Variants in CATSPERE observed in about 807,000 individuals in gnomAD.
The protein encoded by CATSPERE is cation channel sperm-associated auxiliary subunit epsilon.
In CATSPERE, 93 loss-of-function variants were observed where a neutral mutation model predicts 114.1. That is an observed-to-expected ratio of 0.81 (90% CI 0.69 to 0.97). CATSPERE has a LOEUF of 0.97. Among genes scored for constraint, CATSPERE ranks in the 50% least tolerant of loss-of-function variants. CATSPERE has a pLI of 0.00. For missense variants in CATSPERE, 1,058 were observed against 1,131.6 expected (o/e 0.93, Z 0.93); for synonymous variants, 341 against 384.1 (o/e 0.89, Z 1.31).
At chr1:244,604,686 A>G (rs1343411700) in intron 17 of CATSPERE, among the ~76,000 whole-genome samples, 5 of 152,256 alleles carry the variant, frequency 3.3e-5, no homozygotes, top group African/African-American at 1.2e-4. Context: ...AATTTCATTC[A>G]GAAATATGGG....
chr1:244,495,474 G>A (rs1239344805), intron 6 of CATSPERE, among the ~76,000 whole-genome samples: 1 of 152,148 alleles, frequency 6.6e-6, no homozygotes, highest in Admixed American at 6.5e-5. Context: ...ACAAATCCCA[G>A]AACTTTGGGA....
In CATSPERE at chr1:244,518,624, A is replaced by G. The variant is rs1416719859; in HGVS notation, c.462A>G (p.Thr154=). Residue 154 remains threonine (T), a synonymous_variant, in exon 8 of 22, where the codon ACA becomes ACG. Coordinates refer to ENST00000366534, the MANE Select transcript of CATSPERE (RefSeq NM_001130957.2). The part of the protein sequence containing the change: ...NSIVLSTQMA[T]LGQKPVIHTV... ...TAGTACTCAGCACACAGATGGCCAC[A>G]TTGGGACAGAAGCCTGTCATACATA... is the stretch of plus-strand genomic sequence containing the variant. The G allele has an allele frequency of 1.9e-6, 3 of 1,601,222 alleles. No individual in the cohort carries two copies. The highest frequency in any genetic ancestry group is 4.5e-5 in the East Asian group (2 of 44,524).
intron 20 of CATSPERE, among the ~76,000 whole-genome samples, chr1:244,635,201 C>T (rs1674481403): frequency 6.6e-6 from 1 of 152,046 alleles, no homozygotes; most frequent in Non-Finnish European, 1.5e-5. Flanking sequence ...TTATTTCTGC[C>T]AATACTTATT....
At chr1:244,496,896 AG>A (rs1673182001) in intron 6 of CATSPERE, among the ~76,000 whole-genome samples, 1 of 152,226 alleles carries the variant, frequency 6.6e-6, no homozygotes, top group Admixed American at 6.5e-5. Context: ...TCAATACAAA[AG>A]CATAAGAATC....
intron 7 of CATSPERE, among the ~76,000 whole-genome samples, chr1:244,507,354 C>A (rs1266190685): frequency 6.6e-6 from 1 of 152,038 alleles, no homozygotes; most frequent in African/African-American, 2.4e-5. Context: ...AGGAGTTGTA[C>A]CGATTTACAT....
chr1:244,626,907 G>A (rs1488300861), intron 20 of CATSPERE, among the ~76,000 whole-genome samples: 2 of 152,212 alleles, frequency 1.3e-5, no homozygotes, highest in Non-Finnish European at 2.9e-5. Context: ...CACTAGAGTA[G>A]CACTTTTAAT....
intron 9 of CATSPERE, 151 bp downstream of exon 9, chr1:244,552,965 C>G (rs1572712236): frequency 6.4e-6 from 2 of 314,432 alleles, no homozygotes. Flanking sequence ...AACTCAACTT[C>G]TCAGAGACCT....
At chr1:244,528,785 C>CCACGCACGCGCACACACA (rs1553342506) in intron 8 of CATSPERE, among the ~76,000 whole-genome samples, 25 of 130,582 alleles carry the variant, frequency 1.9e-4, no homozygotes, top group African/African-American at 7.1e-4. Context: ...CAATCCCCCA[C>CCACGCACGCGCACACACA]CACACACACA....
chr1:244,555,097 A>G (rs539375753), intron 9 of CATSPERE, among the ~76,000 whole-genome samples: 31 of 152,266 alleles, frequency 2.0e-4, no homozygotes, highest in African/African-American at 6.7e-4. Context: ...ATAAAAATTC[A>G]ACAAACTGGC....
intron 5 of CATSPERE, among the ~76,000 whole-genome samples, chr1:244,479,993 A>G (rs1291754091): frequency 6.6e-6 from 1 of 152,264 alleles, no homozygotes; most frequent in Non-Finnish European, 1.5e-5. Flanking sequence ...TGCTGTGTCT[A>G]CATGTTTGTG....
At chr1:244,525,889 T>A (rs536955970) in intron 8 of CATSPERE, among the ~76,000 whole-genome samples, 83 of 148,526 alleles carry the variant, frequency 5.6e-4, no homozygotes, top group Non-Finnish European at 8.0e-4. Flanking sequence ...ACAAAAAAAA[T>A]TTTTTTCTGC....
chr1:244,491,616 A>G (rs187433103), intron 6 of CATSPERE, among the ~76,000 whole-genome samples: 10 of 152,336 alleles, frequency 6.6e-5, no homozygotes, highest in African/African-American at 2.2e-4. Context: ...AGGGAAATAG[A>G]GACACAAAAA....
chr1:244,544,265 A>G (rs938411292), intron 8 of CATSPERE, among the ~76,000 whole-genome samples: 6 of 152,186 alleles, frequency 3.9e-5, no homozygotes, highest in Admixed American at 2.0e-4. Flanking sequence ...TACATTGGGG[A>G]AAAAAGGAAA....
chr1:244,600,931 A>G (rs935477429), intron 17 of CATSPERE, among the ~76,000 whole-genome samples: 6 of 152,258 alleles, frequency 3.9e-5, no homozygotes, highest in Admixed American at 2.0e-4. Flanking sequence ...GAGTCAGCAG[A>G]TAAAATAAGT....
intron 8 of CATSPERE, among the ~76,000 whole-genome samples, chr1:244,551,101 G>A (rs1310432031): frequency 6.6e-6 from 1 of 152,128 alleles, no homozygotes; most frequent in African/African-American, 2.4e-5. Flanking sequence ...ATTATCAAAG[G>A]ACAGGAGAAA....
chr1:244,519,455 G>A (rs980540118), intron 8 of CATSPERE, among the ~76,000 whole-genome samples: 15 of 152,198 alleles, frequency 9.9e-5, no homozygotes, highest in African/African-American at 3.6e-4. Flanking sequence ...TTGATTCCCT[G>A]TTGGGGCCAC....
At chr1:244,513,199 G>A (rs536299983) in intron 7 of CATSPERE, among the ~76,000 whole-genome samples, 1 of 152,120 alleles carries the variant, frequency 6.6e-6, no homozygotes, top group Non-Finnish European at 1.5e-5. Flanking sequence ...CTTGCAGCAC[G>A]TGAGTACCAG....
At chr1:244,611,467 T>C (rs1670716681) in intron 19 of CATSPERE, among the ~76,000 whole-genome samples, 1 of 151,810 alleles carries the variant, frequency 6.6e-6, no homozygotes, top group Non-Finnish European at 1.5e-5. Context: ...TGGTGGTGCA[T>C]GCCTGTAGTC....
intron 2 of CATSPERE, among the ~76,000 whole-genome samples, chr1:244,466,253 A>T (rs1172246240): frequency 6.6e-6 from 1 of 152,222 alleles, no homozygotes; most frequent in Non-Finnish European, 1.5e-5. Flanking sequence ...TCTTTTATCA[A>T]TATTCATACA....
Sources: gnomAD v4.1 joint callset for allele counts (sites outside exome capture counted in the v4.1 genomes callset) on GRCh38, gnomAD v4.1.1 for gene constraint, MANE v1.5 for transcripts, NCBI Gene and HGNC (gene_info 2026-07-23, HGNC 2026-07-21) for gene names.